The following RBM12B variants were observed in gnomAD, a reference collection of about 807,000 sequenced individuals.
RBM12B encodes RNA-binding protein 12B.
Under a neutral mutation model 34.3 loss-of-function variants are expected in RBM12B, and 10 were observed. The ratio of observed to expected loss-of-function variants is 0.29; its 90% CI spans 0.18 to 0.49. The LOEUF (loss-of-function observed/expected upper bound fraction) is 0.49, where lower values mean the gene tolerates loss of function less well. RBM12B is among the 20% of genes least tolerant of loss of function. RBM12B has a pLI of 0.99. For synonymous variants in RBM12B, 477 were observed against 437.1 expected (o/e 1.09, Z -1.14); for missense variants, 1,139 against 1,262.7 (o/e 0.90, Z 1.48).
chr8:93,737,867 C>G (rs1235092346), intron 2 of RBM12B, among the ~76,000 whole-genome samples: 1 of 148,620 alleles, frequency 6.7e-6, no homozygotes, highest in Non-Finnish European at 1.5e-5. Flanking sequence ...ATCCAAAAAT[C>G]TAGTACATAT....
chr8:93,736,395 G>C lies in RBM12B; in HGVS notation c.16C>G (p.Arg6Gly). The part of the protein sequence containing the change: MAVVI[R>G]LLGLPFIAGP... ...GCAATAAAAGGAAGCCCCAGTAAAC[G>C]GATGACTACAGCCATGCTGAGCTCA... The change falls in exon 4 of 4, where the codon CGT (arginine) becomes GGT (glycine). Residue 6 changes from arginine to glycine, a missense_variant. Transcript: ENST00000520560. 1.3e-6 allele frequency: 2 copies of C among 1,591,518 alleles called. No homozygotes were observed. Among genetic ancestry groups the C allele is most frequent in the South Asian group, 2.3e-5 (2 of 88,246 alleles).
rs1024639273 is a variant in RBM12B, at chr8:93,735,739, T to C, written c.672A>G (p.Glu224=). ...HRSFMGSRFI[E]VMQGSEQQWI... is the part of the protein sequence containing the mutation. Reference sequence around the variant, plus strand: ...ACTGTTGTTCTGATCCTTGCATTACTTCTATAAATCTTGAACCCATAAAAC... The same window carrying C: ...ACTGTTGTTCTGATCCTTGCATTACCTCTATAAATCTTGAACCCATAAAAC... Residue 224 remains glutamate, a synonymous_variant, in exon 4 of 4, where the codon GAA becomes GAG. Coordinates refer to ENST00000520560, the MANE Select transcript of RBM12B (RefSeq NM_001377960.1). The C allele has an allele frequency of 5.0e-6, 8 of 1,614,140 alleles. No homozygotes were observed. The East Asian group carries it at 1.8e-4, about 36-fold the overall frequency.
rs11549490 is a variant in RBM12B at position 93,732,822 on chromosome 8, T to C, written c.*583A>G. On this transcript the variant is annotated 3_prime_UTR_variant, in exon 4 of 4. Transcript: ENST00000520560. ...ATTTTTATAAAGCTTTGTAAAGTTA[T>C]GAACATGGAAACCCTAAGAATCACC... 57,054 of 152,086 alleles carry C rather than the reference T, an allele frequency of 0.38. 11,394 individuals are homozygous for C. Among genetic ancestry groups the C allele is most frequent in the African/African-American group, 0.5 (20,704 of 41,450 alleles). The allele number at this position is 152,086 out of a possible 1,614,324, so 9.4% of individuals were successfully genotyped here.
At position 93,728,293 on chromosome 8, in the gene RBM12B, A is replaced by G; in HGVS notation, c.*5112T>C. 1 of 1,564,868 alleles carries G rather than the reference A, an allele frequency of 6.4e-7. No individual in the cohort carries two copies. Among genetic ancestry groups the G allele is most frequent in the Non-Finnish European group, 8.7e-7 (1 of 1,151,994 alleles). ...GTTACAGAAGAAGAAAATTTTCTTA[A>G]GTAAACTACACATTTCCATTTTCAT... On this transcript the variant is annotated 3_prime_UTR_variant, in exon 4 of 4. Transcript: ENST00000520560.
At chr8:93,736,578 T>C in intron 3 of RBM12B, 140 bp from the exon 4 acceptor site, 1 of 607,166 alleles carries the variant, frequency 1.6e-6, no homozygotes, top group Non-Finnish European at 2.6e-6. Flanking sequence ...AAAATACTGA[T>C]CATATCTAAT....
At position 93,733,575 on chromosome 8, in the gene RBM12B, G is replaced by A. The variant is rs191317987; in HGVS notation, c.2836C>T (p.His946Tyr). Residue 946 changes from histidine (H) to tyrosine (Y), a missense_variant, in exon 4 of 4, where the codon CAT (histidine) becomes TAT (tyrosine). Physicochemically the swap from His to Tyr is moderately conservative, Grantham distance 83 (BLOSUM62 2). Coordinates refer to ENST00000520560, the MANE Select transcript of RBM12B (RefSeq NM_001377960.1). ...ANVNEILDFF[H>Y]GYRIIPDSVS... ...GAATCAGGTATGATTCTGTAACCATGGAAAAAGTCTAAAATTTCATTCACA... is the reference window on the plus strand; with the variant it reads ...GAATCAGGTATGATTCTGTAACCATAGAAAAAGTCTAAAATTTCATTCACA... The A allele has an allele frequency of 1.2e-3, 1,914 of 1,613,446 alleles. 2 individuals are homozygous for A. Among genetic ancestry groups the A allele is most frequent in the Non-Finnish European group, 1.6e-3 (1,850 of 1,179,600 alleles).
In RBM12B at chr8:93,736,360, C is replaced by T; in HGVS notation, c.51G>A (p.Val17=). ...ATCCCGTGAAGAAGTGACGAATATCCACAGGCCCCGCAATAAAAGGAAGCC... is the reference window on the plus strand; with the variant it reads ...ATCCCGTGAAGAAGTGACGAATATCTACAGGCCCCGCAATAAAAGGAAGCC... ...LLGLPFIAGP[V]DIRHFFTGLT... Residue 17 remains valine (V), a synonymous_variant, in exon 4 of 4, where the codon GTG becomes GTA. Transcript: ENST00000520560. 6.2e-7 allele frequency: 1 copy of T among 1,611,332 alleles called. No individual in the cohort carries two copies. The highest frequency in any genetic ancestry group is 8.5e-7 in the Non-Finnish European group (1 of 1,179,218).
Position 93,733,714 on chromosome 8 carries a change from T to G in RBM12B, c.2697A>C (p.Gly899=), listed in dbSNP as rs369854232. The part of the protein sequence containing the change: ...GRPEGGKFDF[G]KHNMGSFPEG... ...CAGGAAAACTTCCCATATTATGCTTTCCAAAATCAAACTTGCCACCTTCTG... is the reference window on the plus strand; with the variant it reads ...CAGGAAAACTTCCCATATTATGCTTGCCAAAATCAAACTTGCCACCTTCTG... Residue 899 remains glycine (G), a synonymous_variant, in exon 4 of 4, where the codon GGA becomes GGC. Transcript: ENST00000520560. 5 of 1,614,148 alleles carry G rather than the reference T, an allele frequency of 3.1e-6. No homozygotes were observed. Among genetic ancestry groups the G allele is most frequent in the Admixed American group, 1.7e-5 (1 of 60,032 alleles).
In RBM12B at chr8:93,729,299, G is replaced by T. The variant is rs1443569577; in HGVS notation, c.*4106C>A. On this transcript the variant is annotated 3_prime_UTR_variant, in exon 4 of 4. Transcript: ENST00000520560. ...TTCTTAACAAAGCACTCCTTCCTGA[G>T]AATAGTCCTAAGTGACAAAGTTGTT... is the stretch of plus-strand genomic sequence containing the variant. The T allele has an allele frequency of 6.6e-6, 1 of 152,032 alleles. No individual in the cohort carries two copies. The highest frequency in any genetic ancestry group is 2.4e-5 in the African/African-American group (1 of 41,402). The allele number at this position is 152,032 out of a possible 1,614,324, so 9.4% of individuals were successfully genotyped here.
In RBM12B at chr8:93,734,939, G is replaced by A; in HGVS notation, c.1472C>T (p.Ser491Phe). 1 of 1,613,942 alleles carries A rather than the reference G, an allele frequency of 6.2e-7. No homozygotes were observed. The highest frequency in any genetic ancestry group is 2.2e-5 in the East Asian group (1 of 44,878). The change falls in exon 4 of 4, where the codon TCC (serine) becomes TTC (phenylalanine). Residue 491 changes from serine to phenylalanine, a missense_variant. Ser to Phe is a radical substitution (Grantham distance 155). Transcript: ENST00000520560. ...TGAGCGAGCTTGCATTTTTTCACTG[G>A]ACATCACAGAAAAATTTACACCAAA... Reference protein sequence around the residue: ...QEFGVNFSVMSSEKMQARSQS... With the variant: ...QEFGVNFSVMFSEKMQARSQS...
At position 93,733,142 on chromosome 8, in the gene RBM12B, A is replaced by AATG; in HGVS notation, c.*260_*262dup. 1 of 251,888 alleles carries AATG rather than the reference A, an allele frequency of 4.0e-6. No individual in the cohort carries two copies. Among genetic ancestry groups the AATG allele is most frequent in the Non-Finnish European group, 7.5e-6 (1 of 134,020 alleles). 15.6% of individuals were successfully genotyped at this position (251,888 alleles called of 1,614,324 possible). Reference sequence around the variant, plus strand: ...ATTACCGATGACATCAACAAAAATGAATGAACTCAGGGAATGAGTTCTTTC... The same window carrying AATG: ...ATTACCGATGACATCAACAAAAATGAATGATGAACTCAGGGAATGAGTTCTTTC... On this transcript the variant is annotated 3_prime_UTR_variant, in exon 4 of 4. Transcript: ENST00000520560.
At position 93,733,021 on chromosome 8, in the gene RBM12B, A is replaced by G. The variant is rs1203699052; in HGVS notation, c.*384T>C. On this transcript the variant is annotated 3_prime_UTR_variant, in exon 4 of 4. Transcript: ENST00000520560. ...ACAATCAGTCACTATTTCCTTATAC[A>G]GTTTGAGTAAAAGAGGTAGACTACA... is the stretch of plus-strand genomic sequence containing the variant. 2 of 154,624 alleles carry G rather than the reference A, an allele frequency of 1.3e-5. No individual in the cohort carries two copies. Among genetic ancestry groups the G allele is most frequent in the East Asian group, 3.8e-4 (2 of 5,238 alleles). 9.6% of individuals were successfully genotyped at this position (154,624 alleles called of 1,614,324 possible).
rs1160610822 is a variant in RBM12B, at chr8:93,733,571, C to A, written c.2840G>T (p.Gly947Val). 6.2e-7 allele frequency: 1 copy of A among 1,613,454 alleles called. No homozygotes were observed. Among genetic ancestry groups the A allele is most frequent in the Non-Finnish European group, 8.5e-7 (1 of 1,179,652 alleles). ...AACTGAATCAGGTATGATTCTGTAA[C>A]CATGGAAAAAGTCTAAAATTTCATT... ...NVNEILDFFHGYRIIPDSVSI... is the reference protein window; with the variant it reads ...NVNEILDFFHVYRIIPDSVSI... The change falls in exon 4 of 4, where the codon GGT becomes GTT. Residue 947 changes from glycine to valine, a missense_variant. Gly to Val is a moderately radical substitution (Grantham distance 109, BLOSUM62 -3). Around this residue, in one of 3 missense-constraint regions of RBM12B, gnomAD observed 60 missense variants for 101.0 expected, o/e 0.59. Transcript: ENST00000520560.
In RBM12B at chr8:93,734,881, T is replaced by A; in HGVS notation, c.1530A>T (p.Leu510Phe). Reference protein sequence around the residue: ...QSRERGDHSHLFDSKDPPIYS... With the variant: ...QSRERGDHSHFFDSKDPPIYS... Reference sequence around the variant, plus strand: ...ATATTGGTGGGTCTTTTGAGTCAAATAAATGGGAATGGTCACCTCGCTCAC... The same window carrying A: ...ATATTGGTGGGTCTTTTGAGTCAAAAAAATGGGAATGGTCACCTCGCTCAC... Residue 510 changes from leucine (L) to phenylalanine (F), a missense_variant, in exon 4 of 4, where the codon TTA becomes TTT. Leu to Phe is a conservative substitution (Grantham distance 22). Transcript: ENST00000520560. 6.2e-7 allele frequency: 1 copy of A among 1,614,150 alleles called. No homozygotes were observed.
Position 93,733,906 on chromosome 8 carries a change from A to T in RBM12B, c.2505T>A (p.Phe835Leu). 6.2e-7 allele frequency: 1 copy of T among 1,611,088 alleles called. No individual in the cohort carries two copies. The highest frequency in any genetic ancestry group is 8.5e-7 in the Non-Finnish European group (1 of 1,178,936). Residue 835 changes from phenylalanine (F) to leucine (L), a missense_variant, in exon 4 of 4, where the codon TTT becomes TTA. Coordinates refer to ENST00000520560, the MANE Select transcript of RBM12B (RefSeq NM_001377960.1). ...TGAAGTCCTCATCAGAAGGGCATCT[A>T]AAATCTTCCTCCTGGGGGCTCCTGA... ...EDFRSPQEED[F>L]RCPSDEDFRQ... is the part of the protein sequence containing the mutation.
chr8:93,736,514 C>T (rs1435503673), intron 3 of RBM12B, 76 bp from the exon 4 acceptor site: 2 of 1,115,236 alleles, frequency 1.8e-6, no homozygotes, highest in African/African-American at 3.1e-5. Context: ...TTAATAATTA[C>T]CTGGTTCCTG....
rs1811931184 is a variant in RBM12B at position 93,734,410 on chromosome 8, G to A, written c.2001C>T (p.Phe667=). The change falls in exon 4 of 4, where the codon TTC becomes TTT. Residue 667 remains phenylalanine, a synonymous_variant. Transcript: ENST00000520560. ...EDLRWLPEED[F]RRPPEEDWRR... is the part of the protein sequence containing the mutation. ...TCCAGTCCTCCTCAGGTGGCCGCCT[G>A]AAATCTTCCTCTGGGAGCCACCTTA... is the stretch of plus-strand genomic sequence containing the variant. The A allele has an allele frequency of 1.2e-6, 2 of 1,613,116 alleles. No individual in the cohort carries two copies. The highest frequency in any genetic ancestry group is 2.2e-5 in the South Asian group (2 of 91,014).
chr8:93,731,592 T>C lies in RBM12B; in HGVS notation c.*1813A>G, dbSNP rs574185472. ...TTTAAGCAGATTTCTGTTAGATTTC[T>C]TTAAATCACTGAAAAGTAACACAAA... On this transcript the variant is annotated 3_prime_UTR_variant, in exon 4 of 4. Transcript: ENST00000520560. 7.2e-5 allele frequency: 11 copies of C among 152,240 alleles called. No homozygotes were observed. Among genetic ancestry groups the C allele is most frequent in the Non-Finnish European group, 1.5e-4 (10 of 68,032 alleles). The allele number at this position is 152,240 out of a possible 1,614,324, so 9.4% of individuals were successfully genotyped here. A position where few individuals can be genotyped will look rare whatever the true frequency, so the allele number is the denominator to read the frequency against.
Position 93,735,506 on chromosome 8 carries a change from T to C in RBM12B, c.905A>G (p.Asn302Ser). 1 of 1,613,694 alleles carries C rather than the reference T, an allele frequency of 6.2e-7. No individual in the cohort carries two copies. Among genetic ancestry groups the C allele is most frequent in the Non-Finnish European group, 8.5e-7 (1 of 1,179,818 alleles). The part of the protein sequence containing the change: ...SLSIDERDLR[N>S]FFRGTDLTDE... ...AGTCAGATCAGTACCTCTAAAGAAA[T>C]TTCTTAAATCTCTTTCGTCAATACT... The change falls in exon 4 of 4, where the codon AAT becomes AGT. Residue 302 changes from asparagine (N) to serine (S), a missense_variant. Coordinates refer to ENST00000520560, the MANE Select transcript of RBM12B (RefSeq NM_001377960.1).
Sources: allele counts gnomAD v4.1 joint callset (sites outside exome capture counted in the v4.1 genomes callset), GRCh38; gene constraint gnomAD v4.1.1; regional missense constraint gnomAD v4.1.1; transcripts MANE v1.5; gene names NCBI Gene and HGNC (gene_info 2026-07-23, HGNC 2026-07-21).